The following MIS18BP1 variants were observed in gnomAD, a reference collection of about 807,000 sequenced individuals.
MIS18BP1 encodes mis18-binding protein 1.
MIS18BP1 carries 72 observed loss-of-function variants against 116.1 expected under a neutral mutation model. That is an observed-to-expected ratio of 0.62 (90% CI 0.51 to 0.75). The LOEUF (loss-of-function observed/expected upper bound fraction) is 0.75. Ranked by LOEUF, MIS18BP1 falls within the 30% of genes least tolerant of loss-of-function variation. The pLI is 0.00. For synonymous variants in MIS18BP1, 386 were observed against 427.0 expected, an observed-to-expected ratio of 0.90 and a Z score of 1.18; for missense variants, 1,363 against 1,303.2, an observed-to-expected ratio of 1.05 and a Z score of -0.71.
chr14:45,227,628 C>A, intron 9 of MIS18BP1, 35 bp downstream of exon 9: 2 of 1,559,512 alleles, frequency 1.3e-6, no homozygotes, highest in South Asian at 1.2e-5. Flanking sequence ...TTCTAAATAT[C>A]AACTTGAACT....
Position 45,210,371 on chromosome 14 carries a change from A to G in MIS18BP1, c.3152+9T>C. The G allele has an allele frequency of 1.2e-6, 2 of 1,611,970 alleles. No individual in the cohort carries two copies. The highest frequency in any genetic ancestry group is 2.2e-5 in the East Asian group (1 of 44,834). On this transcript the variant is annotated intron_variant, in intron 14 of 16. Transcript: ENST00000310806. ...AGAGAATTAACATATCATATGCATG[A>G]ATATTTACCTATTTATAGAACCTAG...
In MIS18BP1 at chr14:45,218,305, G is replaced by T; in HGVS notation, c.2819C>A (p.Pro940Gln). 1.9e-6 allele frequency: 3 copies of T among 1,613,918 alleles called. No homozygotes were observed. Among genetic ancestry groups the T allele is most frequent in the East Asian group, 2.2e-5 (1 of 44,836 alleles). Residue 940 changes from proline to glutamine, a missense_variant, in exon 12 of 17, where the codon CCA becomes CAA. Pro to Gln is a moderately conservative substitution (Grantham distance 76). Transcript: ENST00000310806. ...ACCATTTTGGCCTTTGGAATTGGCT[G>T]GCTTCTTCTTAGTGACATGTTTCTG... is the stretch of plus-strand genomic sequence containing the variant. ...GSQKHVTKKK[P>Q]ANSKGQNGKR...
At chr14:45,209,484 C>G (rs542809818) in intron 14 of MIS18BP1, among the ~76,000 whole-genome samples, 125 of 152,138 alleles carry the variant, frequency 8.2e-4, no homozygotes, top group African/African-American at 2.9e-3. Flanking sequence ...TGCCCCACTG[C>G]ATCCTGCTAA....
chr14:45,240,558 T>G (rs1321474489), intron 4 of MIS18BP1, among the ~76,000 whole-genome samples: 2 of 152,112 alleles, frequency 1.3e-5, no homozygotes, highest in Non-Finnish European at 2.9e-5. Flanking sequence ...CAGAATATTC[T>G]TCTCAACTCC....
chr14:45,247,681 C>T (rs1891758964), intron 1 of MIS18BP1, among the ~76,000 whole-genome samples: 1 of 151,776 alleles, frequency 6.6e-6, no homozygotes, highest in African/African-American at 2.4e-5. Context: ...GCCTGGGTGA[C>T]AGAGCAAGAC....
intron 2 of MIS18BP1, among the ~76,000 whole-genome samples, chr14:45,244,268 T>C (rs1189444495): frequency 3.3e-5 from 5 of 152,224 alleles, no homozygotes; most frequent in Admixed American, 6.5e-5. Context: ...CATCTACCCA[T>C]GTGTTCGTTG....
chr14:45,218,566 T>C (rs1890886646), intron 11 of MIS18BP1, 112 bp from the exon 12 acceptor site: 2 of 998,110 alleles, frequency 2.0e-6, no homozygotes, highest in African/African-American at 1.7e-5. Context: ...GAATCAGTTT[T>C]ATCAAAATCA....
chr14:45,230,593 G>A (rs1015829021), intron 8 of MIS18BP1, among the ~76,000 whole-genome samples: 2 of 151,998 alleles, frequency 1.3e-5, no homozygotes, highest in African/African-American at 2.4e-5. Context: ...GTGTTCTTTG[G>A]TATTCTGATT....
At chr14:45,226,329 T>C (rs575703651) in intron 10 of MIS18BP1, among the ~76,000 whole-genome samples, 132 of 152,244 alleles carry the variant, frequency 8.7e-4, no homozygotes, top group Admixed American at 2.3e-3. Flanking sequence ...CAACATGAAA[T>C]TGTAAACTTG....
intron 14 of MIS18BP1, 85 bp from the exon 15 acceptor site, chr14:45,206,255 C>A: frequency 1.2e-6 from 1 of 844,452 alleles, no homozygotes; most frequent in Non-Finnish European, 1.9e-6. Flanking sequence ...CTTTTAACCA[C>A]AGGTTGAACA....
Position 45,231,206 on chromosome 14 carries a change from C to G in MIS18BP1, c.1529G>C (p.Arg510Pro). ...DIRKSMKNDARENQTDTAQRA... is the reference protein window; with the variant it reads ...DIRKSMKNDAPENQTDTAQRA... ...TTGAGCAGTATCTGTTTGGTTTTCT[C>G]GTGCATCATTTTTCATTGATTTCCT... The change falls in exon 8 of 17, where the codon CGA (arginine) becomes CCA (proline). Residue 510 changes from arginine to proline, a missense_variant. By Grantham distance (103) the Arg-to-Pro change is moderately radical. Coordinates refer to ENST00000310806, the MANE Select transcript of MIS18BP1 (RefSeq NM_018353.5). 2 of 1,613,824 alleles carry G rather than the reference C, an allele frequency of 1.2e-6. No individual in the cohort carries two copies. The highest frequency in any genetic ancestry group is 8.5e-7 in the Non-Finnish European group (1 of 1,179,858).
intron 6 of MIS18BP1, among the ~76,000 whole-genome samples, chr14:45,233,456 G>A (rs1257341486): frequency 6.6e-6 from 1 of 152,140 alleles, no homozygotes; most frequent in Non-Finnish European, 1.5e-5. Context: ...AAGCAGAGGA[G>A]CTACAGGATC....
At chr14:45,252,785 A>T (rs1388348783) in intron 1 of MIS18BP1, among the ~76,000 whole-genome samples, 6 of 148,358 alleles carry the variant, frequency 4.0e-5, no homozygotes, top group Admixed American at 2.7e-4. Flanking sequence ...AAAAAAAAAA[A>T]TTTATTTTAG....
In MIS18BP1 at chr14:45,203,850, A is replaced by T. The variant is rs184255656; in HGVS notation, c.*259T>A. The stretch of plus-strand genomic sequence containing the variant: ...AAGTAAACAGACTTGGATGCTTATT[A>T]AAAAATTATCTATATATATTTTAAT... On this transcript the variant is annotated 3_prime_UTR_variant, in exon 17 of 17. Coordinates refer to ENST00000310806, the MANE Select transcript of MIS18BP1 (RefSeq NM_018353.5). 590 of 197,466 alleles carry T rather than the reference A, an allele frequency of 3.0e-3. 4 individuals carry two copies. The highest frequency in any genetic ancestry group is 0.013 in the African/African-American group (556 of 43,146). The allele number at this position is 197,466 out of a possible 1,614,324, so 12.2% of individuals were successfully genotyped here. A position where few individuals can be genotyped will look rare whatever the true frequency, so the allele number is the denominator to read the frequency against.
intron 4 of MIS18BP1, among the ~76,000 whole-genome samples, chr14:45,239,243 G>C (rs913679327): frequency 6.6e-6 from 1 of 152,206 alleles, no homozygotes; most frequent in African/African-American, 2.4e-5. Context: ...ATTCTTGTGT[G>C]TGTGTTAGGG....
chr14:45,204,002 T>C lies in MIS18BP1; in HGVS notation c.*107A>G. ...TATGAAACCTTCAAAAAAGTCCACA[T>C]TTTCATAGGAAGCTACTTTACAAAG... On this transcript the variant is annotated 3_prime_UTR_variant, in exon 17 of 17. Transcript: ENST00000310806. The C allele has an allele frequency of 6.9e-7, 1 of 1,457,322 alleles. No individual in the cohort carries two copies. Among genetic ancestry groups the C allele is most frequent in the Non-Finnish European group, 9.1e-7 (1 of 1,100,402 alleles). 90.3% of individuals were successfully genotyped at this position (1,457,322 alleles called of 1,614,324 possible).
intron 2 of MIS18BP1, among the ~76,000 whole-genome samples, chr14:45,246,508 C>G (rs757764971): frequency 1.3e-5 from 2 of 152,204 alleles, no homozygotes; most frequent in African/African-American, 4.8e-5. Flanking sequence ...CCCTCCAACT[C>G]TTCCCATCAT....
intron 8 of MIS18BP1, among the ~76,000 whole-genome samples, chr14:45,229,158 T>C (rs192174650): frequency 3.1e-4 from 47 of 152,172 alleles, no homozygotes; most frequent in Non-Finnish European, 5.3e-4. Context: ...AATCATGCCT[T>C]ATTCATCTCT....
At chr14:45,217,346 G>A (rs1485909385) in intron 12 of MIS18BP1, among the ~76,000 whole-genome samples, 167 bp from the exon 13 acceptor site, 3 of 151,976 alleles carry the variant, frequency 2.0e-5, no homozygotes, top group Admixed American at 6.6e-5. Flanking sequence ...CCAGCACTTC[G>A]GGAGGCCAAG....
Sources: allele counts gnomAD v4.1 joint callset (sites outside exome capture counted in the v4.1 genomes callset), GRCh38; gene constraint gnomAD v4.1.1; transcripts MANE v1.5; gene names NCBI Gene and HGNC (gene_info 2026-07-23, HGNC 2026-07-21).